Variants in ERICH6B observed in about 807,000 individuals in gnomAD.
ERICH6B encodes the protein glutamate-rich protein 6B.
ERICH6B carries 69 observed loss-of-function variants against 80.0 expected under a neutral mutation model. The ratio of observed to expected loss-of-function variants is 0.86; its 90% CI spans 0.71 to 1.05. The LOEUF is 1.05. ERICH6B is among the 50% of genes least tolerant of loss of function. The probability of loss-of-function intolerance (pLI) is 0.00; values close to 1 mark genes in which losing one functional copy is unlikely to be tolerated. For synonymous variants in ERICH6B, 283 were observed against 291.9 expected (o/e 0.97, Z 0.31); for missense variants, 754 against 796.1 (o/e 0.95, Z 0.64).
chr13:45,581,111 G>T (rs934280890), intron 5 of ERICH6B, among the ~76,000 whole-genome samples: 1 of 152,132 alleles, frequency 6.6e-6, no homozygotes, highest in Non-Finnish European at 1.5e-5. Context: ...GTGGCCATGG[G>T]GTGTGTGATG....
chr13:45,547,835 C>T (rs1479646555), intron 13 of ERICH6B, among the ~76,000 whole-genome samples: 1 of 152,144 alleles, frequency 6.6e-6, no homozygotes, highest in Non-Finnish European at 1.5e-5. Flanking sequence ...ATCCAAAGAA[C>T]CTAGGATTCC....
intron 13 of ERICH6B, among the ~76,000 whole-genome samples, chr13:45,548,111 C>G (rs533112966): frequency 6.5e-4 from 99 of 152,336 alleles, no homozygotes; most frequent in African/African-American, 2.3e-3. Context: ...CCTGAGACCC[C>G]TTGGGCTGGG....
chr13:45,596,890 T>C lies in ERICH6B; in HGVS notation c.116A>G (p.Asp39Gly). The C allele has an allele frequency of 1.3e-6, 2 of 1,551,870 alleles. No individual in the cohort carries two copies. Among genetic ancestry groups the C allele is most frequent in the Non-Finnish European group, 1.7e-6 (2 of 1,147,022 alleles). Residue 39 changes from aspartate (D) to glycine (G), a missense_variant, in exon 3 of 15, where the codon GAT becomes GGT. Asp to Gly is a moderately conservative substitution (Grantham distance 94, BLOSUM62 -1). Transcript: ENST00000298738. ...AGATTCATCCTGTAGACTTTCCTCA[T>C]CTAGTTCTACTTCAGTATCCTCTTT... is the stretch of plus-strand genomic sequence containing the variant. Reference protein sequence around the residue: ...SEKEDTEVELDEESLQDESPF... With the variant: ...SEKEDTEVELGEESLQDESPF...
At chr13:45,589,292 A>T (rs1323863697) in intron 4 of ERICH6B, among the ~76,000 whole-genome samples, 2 of 152,086 alleles carry the variant, frequency 1.3e-5, no homozygotes, top group Non-Finnish European at 2.9e-5. Flanking sequence ...ACAGCTCTCC[A>T]TGGGCCCTGG....
At chr13:45,592,361 C>G (rs1174854653) in intron 3 of ERICH6B, among the ~76,000 whole-genome samples, 1 of 152,196 alleles carries the variant, frequency 6.6e-6, no homozygotes, top group East Asian at 1.9e-4. Context: ...AGGTGAACTT[C>G]CTTTCATGAA....
chr13:45,598,816 C>G (rs1410904039), intron 2 of ERICH6B, among the ~76,000 whole-genome samples: 3 of 152,186 alleles, frequency 2.0e-5, no homozygotes, highest in Non-Finnish European at 4.4e-5. Flanking sequence ...GGATGTGTCT[C>G]AGCTGCAGAG....
chr13:45,579,259 T>A (rs1875554737), intron 7 of ERICH6B, among the ~76,000 whole-genome samples: 1 of 152,162 alleles, frequency 6.6e-6, no homozygotes, highest in Admixed American at 6.5e-5. Context: ...TACAAGAGTT[T>A]ATTTGATAAG....
chr13:45,606,856 A>G (rs147722642), intron 2 of ERICH6B, among the ~76,000 whole-genome samples: 1 of 151,958 alleles, frequency 6.6e-6, no homozygotes, highest in African/African-American at 2.4e-5. Context: ...ACCTCGCCTA[A>G]AAAGTATATG....
chr13:45,603,664 C>A (rs1334832714), intron 2 of ERICH6B, among the ~76,000 whole-genome samples: 1 of 152,132 alleles, frequency 6.6e-6, no homozygotes, highest in Non-Finnish European at 1.5e-5. Flanking sequence ...CCTCTGTCAC[C>A]CCCTTTCCCA....
At chr13:45,576,497 G>A (rs1875410511) in intron 7 of ERICH6B, among the ~76,000 whole-genome samples, 1 of 152,202 alleles carries the variant, frequency 6.6e-6, no homozygotes, top group South Asian at 2.1e-4. Flanking sequence ...GAATCCTTGG[G>A]AATTCAAGCA....
intron 7 of ERICH6B, among the ~76,000 whole-genome samples, chr13:45,578,332 T>G (rs1875509100): frequency 6.6e-6 from 1 of 152,232 alleles, no homozygotes; most frequent in African/African-American, 2.4e-5. Context: ...CACTTGCCTA[T>G]GATGTATTTG....
Position 45,580,663 on chromosome 13 carries a change from T to TTA in ERICH6B, c.857_858dup (p.Lys287Ter), listed in dbSNP as rs1322845179. On this transcript the variant is annotated frameshift_variant and splice_region_variant, in exon 6 of 15. Coordinates refer to ENST00000298738, the MANE Select transcript of ERICH6B (RefSeq NM_182542.3). LOFTEE classifies it high-confidence loss of function. ...GTTTCTGATTTCGATTTTAAAGATT[T>TTA]TACTGTTAAAAGGCAGAAGAGGGTG... The TTA allele has an allele frequency of 1.3e-6, 2 of 1,551,540 alleles. No individual in the cohort carries two copies. Among genetic ancestry groups the TTA allele is most frequent in the Admixed American group, 2.0e-5 (1 of 50,976 alleles).
chr13:45,556,517 A>C lies in ERICH6B; in HGVS notation c.1407+4852T>G, dbSNP rs1407508116. 3.9e-5 allele frequency among the ~76,000 whole-genome samples: 6 copies of C among 152,196 alleles called. No individual in the cohort carries two copies. The Middle Eastern group carries it at 0.017, about 431-fold the overall frequency. On this transcript the variant is annotated intron_variant, in intron 11 of 14. Coordinates refer to ENST00000298738, the MANE Select transcript of ERICH6B (RefSeq NM_182542.3). ...CCCATCACCGAAGCAGTAATCACTG[A>C]ACCCAATTTGTAGTCTTTTATCCAT...
chr13:45,570,844 C>T (rs569159094), intron 8 of ERICH6B, among the ~76,000 whole-genome samples: 39 of 151,164 alleles, frequency 2.6e-4, no homozygotes, highest in Non-Finnish European at 4.4e-4. Flanking sequence ...CTGCAGGTGC[C>T]GTGTGGCATT....
chr13:45,550,225 G>A lies in ERICH6B; in HGVS notation c.1493+6C>T. On this transcript the variant is annotated splice_donor_region_variant and intron_variant, in intron 12 of 14. Transcript: ENST00000298738. ...AATACGAGCATCCCTGTGCTTCTGT[G>A]GATACTGTATCTGGCCTGTCCCATC... 6.4e-7 allele frequency: 1 copy of A among 1,550,452 alleles called. No homozygotes were observed. Among genetic ancestry groups the A allele is most frequent in the Non-Finnish European group, 8.7e-7 (1 of 1,145,996 alleles).
Position 45,541,464 on chromosome 13 carries a change from A to G in ERICH6B, c.2089T>C (p.Ter697GlnextTer29), listed in dbSNP as rs1458987237. 2.6e-6 allele frequency: 4 copies of G among 1,551,666 alleles called. No individual in the cohort carries two copies. The highest frequency in any genetic ancestry group is 3.5e-6 in the Non-Finnish European group (4 of 1,146,838). Residue 697 changes from the stop codon to glutamine, a stop_lost, in exon 15 of 15, where the codon TAA becomes CAA. Coordinates refer to ENST00000298738, the MANE Select transcript of ERICH6B (RefSeq NM_182542.3). ...GTGGATGCCAGATAAGCCCCGCCTT[A>G]AAACCAGAGTTTAGAGAGCATCTTC... ...LKKMLSKLWF[*>Q] is the part of the protein sequence containing the mutation.
At chr13:45,592,330 G>A (rs1041331023) in intron 3 of ERICH6B, among the ~76,000 whole-genome samples, 12 of 152,218 alleles carry the variant, frequency 7.9e-5, no homozygotes, top group Non-Finnish European at 1.3e-4. Context: ...CCACCCACCA[G>A]TGGCTGACTC....
At chr13:45,563,823 A>G in intron 9 of ERICH6B, 35 bp from the exon 10 acceptor site, 1 of 1,517,134 alleles carries the variant, frequency 6.6e-7, no homozygotes. Flanking sequence ...AGAAGCCAAG[A>G]CTAAGTTCAC....
intron 7 of ERICH6B, among the ~76,000 whole-genome samples, chr13:45,577,971 ATAT>A (rs1445021668): frequency 2.0e-5 from 3 of 152,228 alleles, no homozygotes; most frequent in Non-Finnish European, 4.4e-5. Context: ...TGAGGGGCAA[ATAT>A]TATAATTCCC....
Sources: allele counts gnomAD v4.1 joint callset (sites outside exome capture counted in the v4.1 genomes callset), GRCh38; gene constraint gnomAD v4.1.1; transcripts MANE v1.5; gene names NCBI Gene and HGNC (gene_info 2026-07-23, HGNC 2026-07-21).